Variants in EEA1 observed in about 807,000 individuals in gnomAD.
EEA1 encodes the protein early endosome antigen 1, 162kD.
In EEA1, 111 loss-of-function variants were observed where a neutral mutation model predicts 209.2. That is an observed-to-expected ratio of 0.53 (90% CI 0.45 to 0.62). EEA1 has a LOEUF of 0.62. Ranked by LOEUF, EEA1 falls within the 20% of genes least tolerant of loss-of-function variation. The pLI is 0.00. For synonymous variants in EEA1, 536 were observed against 540.6 expected, an observed-to-expected ratio of 0.99 and a Z score of 0.12; for missense variants, 1,343 against 1,530.8, an observed-to-expected ratio of 0.88 and a Z score of 2.05.
chr12:92,913,150 A>G (rs771913869), intron 1 of EEA1, among the ~76,000 whole-genome samples: 9 of 152,208 alleles, frequency 5.9e-5, no homozygotes, highest in Non-Finnish European at 1.0e-4. Flanking sequence ...ACTAATTTAC[A>G]TTCCCATCAA....
chr12:92,865,223 T>A (rs1365258691), intron 2 of EEA1, among the ~76,000 whole-genome samples: 1 of 152,104 alleles, frequency 6.6e-6, no homozygotes, highest in African/African-American at 2.4e-5. Context: ...TATTTTTAGG[T>A]CAGATAAATT....
intron 1 of EEA1, among the ~76,000 whole-genome samples, chr12:92,925,334 T>C (rs903632632): frequency 6.6e-6 from 1 of 152,128 alleles, no homozygotes; most frequent in East Asian, 1.9e-4. Context: ...CCCACCTCAG[T>C]CTCCCAAGTA....
intron 10 of EEA1, 143 bp downstream of exon 10, chr12:92,842,322 C>T: frequency 4.1e-6 from 2 of 488,280 alleles, no homozygotes; most frequent in Non-Finnish European, 7.3e-6. Context: ...GATTGGTTTG[C>T]ACAATAATGT....
chr12:92,922,382 T>C (rs1881042531), intron 1 of EEA1, among the ~76,000 whole-genome samples: 1 of 152,234 alleles, frequency 6.6e-6, no homozygotes, highest in Non-Finnish European at 1.5e-5. Flanking sequence ...TCCCCAAAAC[T>C]GCTGCCTGAA....
intron 10 of EEA1, among the ~76,000 whole-genome samples, chr12:92,833,290 T>C (rs545591474): frequency 6.6e-6 from 1 of 152,234 alleles, no homozygotes; most frequent in Non-Finnish European, 1.5e-5. Context: ...ACTGTTCTAA[T>C]GCACCTAACC....
chr12:92,796,638 T>C (rs1056832434), intron 21 of EEA1, among the ~76,000 whole-genome samples: 1 of 152,174 alleles, frequency 6.6e-6, no homozygotes, highest in Non-Finnish European at 1.5e-5. Context: ...TTTAAGTGTG[T>C]ACACACATAC....
chr12:92,858,951 T>C, intron 3 of EEA1: 1 of 699,448 alleles, frequency 1.4e-6, no homozygotes, highest in South Asian at 1.6e-5. Flanking sequence ...AGGATTATAC[T>C]AAGATCAACC....
At chr12:92,819,627 A>G in intron 13 of EEA1, 116 bp from the exon 14 acceptor site, 1 of 670,676 alleles carries the variant, frequency 1.5e-6, no homozygotes, top group South Asian at 2.8e-5. Context: ...TACATTTTTT[A>G]AAACTATTAC....
chr12:92,831,852 G>A (rs1413393267), intron 11 of EEA1, among the ~76,000 whole-genome samples: 10 of 150,850 alleles, frequency 6.6e-5, no homozygotes, highest in African/African-American at 1.2e-4. Flanking sequence ...TTGGGAGGCC[G>A]AGGCGGGTGG....
At chr12:92,835,572 C>A (rs1876892262) in intron 10 of EEA1, 1 of 189,878 alleles carries the variant, frequency 5.3e-6, no homozygotes, top group Non-Finnish European at 1.1e-5. Flanking sequence ...CCACCATGCC[C>A]AGCTAATTTT....
rs372153421 is a variant in EEA1, at chr12:92,903,172, C to T, written c.25-11451G>A. 7.9e-5 allele frequency among the ~76,000 whole-genome samples: 12 copies of T among 151,704 alleles called. No homozygotes were observed. In the East Asian group the frequency reaches 1.4e-3, roughly 18 times the overall value. ...CAGGATGGTCTCAATCTCCTGACCT[C>T]GTGATCCGCCCACCTCGGCCTCCCA... On this transcript the variant is annotated intron_variant, in intron 1 of 28. Transcript: ENST00000322349.
intron 9 of EEA1, among the ~76,000 whole-genome samples, chr12:92,843,214 G>C (rs1011016833): frequency 3.9e-5 from 6 of 152,090 alleles, no homozygotes; most frequent in Non-Finnish European, 8.8e-5. Flanking sequence ...CTTGAGTGAA[G>C]TGGTACGATC....
At chr12:92,870,683 TGGG>T (rs1878603656) in intron 2 of EEA1, among the ~76,000 whole-genome samples, 1 of 151,072 alleles carries the variant, frequency 6.6e-6, no homozygotes, top group East Asian at 1.9e-4. Context: ...TTGGCGGTGG[TGGG>T]GCAGGGACGG....
In EEA1 at chr12:92,790,619, T is replaced by C. The variant is rs961833148; in HGVS notation, c.2968-2570A>G. On this transcript the variant is annotated intron_variant, in intron 21 of 28. Transcript: ENST00000322349. ...AACAAAGCCTCCAAGAAATATGGAC[T>C]GTGTGAAAAGACCAAATCTACATTT... Among the ~76,000 whole-genome samples the C allele has an allele frequency of 2.0e-5, 3 of 152,186 alleles. No homozygotes were observed. The East Asian group carries it at 5.8e-4, about 29-fold the overall frequency.
intron 1 of EEA1, among the ~76,000 whole-genome samples, chr12:92,904,387 G>A (rs752925073): frequency 7.2e-5 from 11 of 152,164 alleles, no homozygotes; most frequent in Non-Finnish European, 1.5e-4. Context: ...AGGAAAACCA[G>A]CTACAACAAA....
chr12:92,913,516 TTTTTAC>T (rs1245430607), intron 1 of EEA1, among the ~76,000 whole-genome samples: 2 of 152,184 alleles, frequency 1.3e-5, no homozygotes, highest in African/African-American at 4.8e-5. Flanking sequence ...GTACAGACAA[TTTTTAC>T]TTTAATTCCC....
chr12:92,862,755 G>A (rs901972357), intron 3 of EEA1, among the ~76,000 whole-genome samples: 1 of 152,122 alleles, frequency 6.6e-6, no homozygotes, highest in Non-Finnish European at 1.5e-5. Context: ...ATGCTGTTAA[G>A]GAAACAGAAT....
At chr12:92,809,553 G>T (rs1340261745) in intron 17 of EEA1, among the ~76,000 whole-genome samples, 1 of 143,264 alleles carries the variant, frequency 7.0e-6, no homozygotes, top group Non-Finnish European at 1.5e-5. Flanking sequence ...AAATTAGCCA[G>T]GCGTGGTGGC....
intron 12 of EEA1, 137 bp from the exon 13 acceptor site, chr12:92,826,422 T>G: frequency 9.5e-6 from 7 of 739,518 alleles, no homozygotes; most frequent in South Asian, 2.2e-5. Flanking sequence ...TTAAAAGTGG[T>G]ACCTTGGCTG....
Sources: allele counts gnomAD v4.1 joint callset (sites outside exome capture counted in the v4.1 genomes callset), GRCh38; gene constraint gnomAD v4.1.1; transcripts MANE v1.5; gene names NCBI Gene and HGNC (gene_info 2026-07-23, HGNC 2026-07-21).